Variants in RGS7BP observed in about 807,000 individuals in gnomAD.
The protein encoded by RGS7BP is regulator of G protein signaling 7 binding protein.
In RGS7BP, 9 loss-of-function variants were observed where a neutral mutation model predicts 31.3. The observed-to-expected ratio is 0.29, with a 90% CI of 0.17 to 0.50. The LOEUF (loss-of-function observed/expected upper bound fraction) is 0.50. Among genes scored for constraint, RGS7BP ranks in the 20% least tolerant of loss-of-function variants. The probability of loss-of-function intolerance (pLI) is 0.98; values close to 1 mark genes in which losing one functional copy is unlikely to be tolerated. For synonymous variants in RGS7BP, 115 were observed against 120.1 expected, an observed-to-expected ratio of 0.96 and a Z score of 0.28; for missense variants, 274 against 322.0, an observed-to-expected ratio of 0.85 and a Z score of 1.14.
chr5:64,563,302 T>C (rs939540122), intron 2 of RGS7BP, among the ~76,000 whole-genome samples: 6 of 152,076 alleles, frequency 3.9e-5, no homozygotes, highest in African/African-American at 1.4e-4. Context: ...CAAATAGCAA[T>C]GTTATGAATT....
rs139554723 is a variant in RGS7BP, at chr5:64,522,201, G to T, written c.332+14324G>T. Among the ~76,000 whole-genome samples, 6 of 152,228 alleles carry T rather than the reference G, an allele frequency of 3.9e-5. No individual in the cohort carries two copies. In the East Asian group the frequency reaches 1.2e-3, roughly 29 times the overall value. On this transcript the variant is annotated intron_variant, in intron 2 of 5. Coordinates refer to ENST00000334025, the MANE Select transcript of RGS7BP (RefSeq NM_001029875.3). ...GTTCCAATGAGTACAGCTATCCTCT[G>T]CCTGGAAGAGAGAAATACTCACCCT...
At chr5:64,601,768 C>T (rs1012821962) in intron 5 of RGS7BP, among the ~76,000 whole-genome samples, 1 of 152,124 alleles carries the variant, frequency 6.6e-6, no homozygotes, top group African/African-American at 2.4e-5. Flanking sequence ...AATGGAACCA[C>T]CTGTGGGGAG....
At chr5:64,546,067 T>C (rs1302697646) in intron 2 of RGS7BP, among the ~76,000 whole-genome samples, 1 of 152,050 alleles carries the variant, frequency 6.6e-6, no homozygotes, top group Non-Finnish European at 1.5e-5. Context: ...GACAGGAGAA[T>C]TGTTTGAACC....
At chr5:64,571,062 C>T (rs1742290912) in intron 2 of RGS7BP, among the ~76,000 whole-genome samples, 1 of 151,944 alleles carries the variant, frequency 6.6e-6, no homozygotes, top group African/African-American at 2.4e-5. Flanking sequence ...AGAATATCAC[C>T]CTCACCCCAG....
At chr5:64,515,926 A>G (rs1182141816) in intron 2 of RGS7BP, among the ~76,000 whole-genome samples, 1 of 151,970 alleles carries the variant, frequency 6.6e-6, no homozygotes, top group Non-Finnish European at 1.5e-5. Flanking sequence ...CAGCCTCCTG[A>G]GTAGCTGGGA....
At chr5:64,599,452 G>A (rs1743163688) in intron 5 of RGS7BP, among the ~76,000 whole-genome samples, 1 of 152,194 alleles carries the variant, frequency 6.6e-6, no homozygotes, top group African/African-American at 2.4e-5. Flanking sequence ...TTGGCTCCAG[G>A]AGCAGCTCAG....
chr5:64,598,330 C>T lies in RGS7BP; in HGVS notation c.612-35C>T, dbSNP rs1340360637. On this transcript the variant is annotated intron_variant, in intron 4 of 5. Transcript: ENST00000334025. ...TTTGAGATTTCATTTTGAAAATTTACAGCTGATTATTCTGTCTTTTTATCA... is the reference window on the plus strand; with the variant it reads ...TTTGAGATTTCATTTTGAAAATTTATAGCTGATTATTCTGTCTTTTTATCA... 2.5e-6 allele frequency: 3 copies of T among 1,208,302 alleles called. No individual in the cohort carries two copies. The Admixed American group carries it at 5.1e-5, about 20-fold the overall frequency. The allele number at this position is 1,208,302 out of a possible 1,614,324, so 74.8% of individuals were successfully genotyped here.
At chr5:64,608,559 G>A (rs1743423319) in intron 5 of RGS7BP, among the ~76,000 whole-genome samples, 1 of 152,018 alleles carries the variant, frequency 6.6e-6, no homozygotes, top group African/African-American at 2.4e-5. Flanking sequence ...GTTAATAATA[G>A]CTATTTTAAC....
chr5:64,602,515 C>G (rs1239230529), intron 5 of RGS7BP, among the ~76,000 whole-genome samples: 1 of 152,220 alleles, frequency 6.6e-6, no homozygotes, highest in Non-Finnish European at 1.5e-5. Flanking sequence ...CCTCATCCAA[C>G]ATATAATGGT....
intron 3 of RGS7BP, among the ~76,000 whole-genome samples, chr5:64,586,443 C>G (rs1295092011): frequency 6.6e-6 from 1 of 152,204 alleles, no homozygotes; most frequent in African/African-American, 2.4e-5. Flanking sequence ...CTCACCCTAC[C>G]CCTGTCCCTT....
chr5:64,516,742 G>A (rs1270603343), intron 2 of RGS7BP, among the ~76,000 whole-genome samples: 1 of 152,122 alleles, frequency 6.6e-6, no homozygotes, highest in African/African-American at 2.4e-5. Context: ...GGAGATTGTT[G>A]AACATGCAAC....
intron 2 of RGS7BP, among the ~76,000 whole-genome samples, chr5:64,544,510 G>GAAAAAAAA (rs34435565): frequency 7.0e-6 from 1 of 141,934 alleles, no homozygotes; most frequent in Non-Finnish European, 1.6e-5. Context: ...CCCTGTCTCT[G>GAAAAAAAA]AAAAAAAAAA....
At chr5:64,511,294 C>G (rs1006428968) in intron 2 of RGS7BP, among the ~76,000 whole-genome samples, 1 of 152,212 alleles carries the variant, frequency 6.6e-6, no homozygotes, top group African/African-American at 2.4e-5. Context: ...CAGGCACAGC[C>G]TTTTCTTTCA....
chr5:64,561,056 C>T (rs78557429), intron 2 of RGS7BP, among the ~76,000 whole-genome samples: 1,726 of 152,156 alleles, frequency 0.011, 39 homozygotes, highest in African/African-American at 0.04. Flanking sequence ...GGGACCCCTG[C>T]GGGGCAAGAG....
At chr5:64,567,902 A>T (rs1742209155) in intron 2 of RGS7BP, among the ~76,000 whole-genome samples, 1 of 142,450 alleles carries the variant, frequency 7.0e-6, no homozygotes. Context: ...AACACATGAT[A>T]ATTGAATGAT....
chr5:64,595,033 A>C (rs1743028005), intron 4 of RGS7BP, among the ~76,000 whole-genome samples, 176 bp downstream of exon 4: 1 of 152,170 alleles, frequency 6.6e-6, no homozygotes, highest in African/African-American at 2.4e-5. Context: ...AGACAAGAAA[A>C]CTGAGACAAG....
chr5:64,552,603 T>C (rs1741822418), intron 2 of RGS7BP, among the ~76,000 whole-genome samples: 1 of 152,246 alleles, frequency 6.6e-6, no homozygotes, highest in Admixed American at 6.5e-5. Context: ...TGACATAATC[T>C]GGAATGAGAA....
chr5:64,608,953 T>C (rs1212451674), intron 5 of RGS7BP, among the ~76,000 whole-genome samples: 1 of 152,032 alleles, frequency 6.6e-6, no homozygotes, highest in Non-Finnish European at 1.5e-5. Flanking sequence ...ACAGTGCTAC[T>C]GGCATCTGAT....
chr5:64,545,516 TTACTC>T, intron 2 of RGS7BP, among the ~76,000 whole-genome samples: 1 of 152,146 alleles, frequency 6.6e-6, no homozygotes, highest in East Asian at 1.9e-4. Flanking sequence ...CTTAGAAAGT[TTACTC>T]TAGCTATACT....
Sources: gnomAD v4.1 joint callset for allele counts (sites outside exome capture counted in the v4.1 genomes callset) on GRCh38, gnomAD v4.1.1 for gene constraint, MANE v1.5 for transcripts, NCBI Gene and HGNC (gene_info 2026-07-23, HGNC 2026-07-21) for gene names.